The following PPP2R2B variants were observed in gnomAD, a reference collection of about 807,000 sequenced individuals.
PPP2R2B encodes the protein serine/threonine-protein phosphatase 2A 55 kDa regulatory subunit B beta isoform.
In PPP2R2B, 5 loss-of-function variants were observed where a neutral mutation model predicts 46.0. The ratio of observed to expected loss-of-function variants is 0.11; its 90% CI spans 0.06 to 0.23. The LOEUF is 0.23. PPP2R2B is among the 10% of genes least tolerant of loss of function. PPP2R2B has a pLI of 1.00. For missense variants in PPP2R2B, 367 were observed against 575.0 expected (o/e 0.64, Z 3.70); for synonymous variants, 215 against 206.7 (o/e 1.04, Z -0.34).
At chr5:146,616,988 T>A (rs892019584) in intron 7 of PPP2R2B, 3 of 152,362 alleles carry the variant, frequency 2.0e-5, no homozygotes, top group Admixed American at 2.0e-4. Flanking sequence ...CACCAACTGA[T>A]GAATGGATAA....
chr5:146,927,739 T>C (rs1428484188), intron 1 of PPP2R2B, among the ~76,000 whole-genome samples: 1 of 144,240 alleles, frequency 6.9e-6, no homozygotes, highest in African/African-American at 2.5e-5. Flanking sequence ...ACTTTCTTCT[T>C]TTTTTTTTTT....
In PPP2R2B at chr5:147,049,831, G is replaced by A. The variant is rs561275536; in HGVS notation, c.79+5834C>T. Among the ~76,000 whole-genome samples the A allele has an allele frequency of 2.0e-5, 3 of 152,310 alleles. No individual in the cohort carries two copies. The South Asian group carries it at 6.2e-4, about 32-fold the overall frequency. Reference sequence around the variant, plus strand: ...GACTCTCACAAGAGCAATTTTGGTGGCATGATAGAAAGTGCAAATCAGAGG... The same window carrying A: ...GACTCTCACAAGAGCAATTTTGGTGACATGATAGAAAGTGCAAATCAGAGG... On this transcript the variant is annotated intron_variant, in intron 1 of 8. Transcript: ENST00000336640.
intron 7 of PPP2R2B, among the ~76,000 whole-genome samples, chr5:146,615,432 G>C (rs1192582205): frequency 8.8e-6 from 1 of 113,844 alleles, no homozygotes; most frequent in Non-Finnish European, 1.7e-5. Context: ...CAGCGCACCA[G>C]CATGGCACAT....
chr5:147,070,247 C>A (rs1757546598), intron 2 of PPP2R2B, among the ~76,000 whole-genome samples: 1 of 152,092 alleles, frequency 6.6e-6, no homozygotes. Context: ...ACACCTACTG[C>A]CCATATATAT....
At chr5:146,633,248 C>A (rs1774559605) in intron 7 of PPP2R2B, among the ~76,000 whole-genome samples, 1 of 152,214 alleles carries the variant, frequency 6.6e-6, no homozygotes, top group South Asian at 2.1e-4. Flanking sequence ...TAACACGGTT[C>A]TCCTCGGCAT....
Position 146,582,606 on chromosome 5 carries a change from C to T in PPP2R2B, c.*7341G>A, listed in dbSNP as rs1322689419. ...CATATATCATTCAAACTCCCAATGGCATGCCGCTCATCTTATAAGCTTCCT... is the reference window on the plus strand; with the variant it reads ...CATATATCATTCAAACTCCCAATGGTATGCCGCTCATCTTATAAGCTTCCT... On this transcript the variant is annotated 3_prime_UTR_variant, in exon 10 of 10. Coordinates refer to ENST00000394411, the MANE Select transcript of PPP2R2B (RefSeq NM_181675.4). 3 of 152,222 alleles carry T rather than the reference C, an allele frequency of 2.0e-5. No homozygotes were observed. The highest frequency in any genetic ancestry group is 7.2e-5 in the African/African-American group (3 of 41,456). 9.4% of individuals were successfully genotyped at this position (152,222 alleles called of 1,614,324 possible).
intron 2 of PPP2R2B, among the ~76,000 whole-genome samples, chr5:146,719,621 C>G (rs1462759543): frequency 1.1e-4 from 16 of 152,142 alleles, no homozygotes; most frequent in Non-Finnish European, 4.4e-5. Context: ...GATCACTCAT[C>G]TGGATCCCAG....
At chr5:146,712,025 G>A (rs192673567) in intron 2 of PPP2R2B, among the ~76,000 whole-genome samples, 20 of 152,210 alleles carry the variant, frequency 1.3e-4, no homozygotes, top group African/African-American at 4.6e-4. Flanking sequence ...TAAACTGTAG[G>A]TGGGCCTAAA....
intron 5 of PPP2R2B, among the ~76,000 whole-genome samples, chr5:146,678,729 A>G (rs1273760479): frequency 2.7e-5 from 4 of 148,046 alleles, no homozygotes; most frequent in Non-Finnish European, 5.9e-5. Context: ...AAAAATCACA[A>G]GCATTCTTAT....
intron 1 of PPP2R2B, among the ~76,000 whole-genome samples, chr5:146,935,620 G>A (rs1582457573): frequency 6.6e-6 from 1 of 152,114 alleles, no homozygotes; most frequent in East Asian, 1.9e-4. Flanking sequence ...CCCTGAAGTG[G>A]CATTTTATCT....
chr5:146,987,889 T>G (rs1484617764), intron 1 of PPP2R2B, among the ~76,000 whole-genome samples: 1 of 151,872 alleles, frequency 6.6e-6, no homozygotes, highest in East Asian at 1.9e-4. Context: ...ATGTCACTTA[T>G]AAAGACATGC....
chr5:146,823,388 G>A (rs1211858701), intron 2 of PPP2R2B, among the ~76,000 whole-genome samples: 1 of 151,780 alleles, frequency 6.6e-6, no homozygotes, highest in Non-Finnish European at 1.5e-5. Context: ...TGATAGAGAC[G>A]GGGTTTCACC....
chr5:147,080,001 A>G (rs1757928627), intron 2 of PPP2R2B, among the ~76,000 whole-genome samples: 2 of 152,164 alleles, frequency 1.3e-5, no homozygotes, highest in Non-Finnish European at 2.9e-5. Flanking sequence ...ATATGGATTT[A>G]TTTATTAATT....
intron 1 of PPP2R2B, among the ~76,000 whole-genome samples, chr5:146,993,574 T>C (rs1204050405): frequency 6.6e-6 from 1 of 152,154 alleles, no homozygotes; most frequent in Non-Finnish European, 1.5e-5. Context: ...GAGTACACAG[T>C]ATAAGCTTCA....
rs1770135171 is a variant in PPP2R2B, at chr5:146,585,891, A to G, written c.*4056T>C. Reference sequence around the variant, plus strand: ...TACAGGTGATGACACTGACATAGGGACTGAGTGGGTAGCTTAAGTTCCATG... The same window carrying G: ...TACAGGTGATGACACTGACATAGGGGCTGAGTGGGTAGCTTAAGTTCCATG... On this transcript the variant is annotated 3_prime_UTR_variant, in exon 10 of 10. Coordinates refer to ENST00000394411, the MANE Select transcript of PPP2R2B (RefSeq NM_181675.4). The G allele has an allele frequency of 6.6e-6, 1 of 152,164 alleles. No individual in the cohort carries two copies. Among genetic ancestry groups the G allele is most frequent in the African/African-American group, 2.4e-5 (1 of 41,422 alleles). 9.4% of individuals were successfully genotyped at this position (152,164 alleles called of 1,614,324 possible). A position where few individuals can be genotyped will look rare whatever the true frequency, so the allele number is the denominator to read the frequency against.
chr5:146,600,493 G>T, intron 7 of PPP2R2B, 33 bp from the exon 8 acceptor site: 4 of 1,607,446 alleles, frequency 2.5e-6, no homozygotes, highest in Non-Finnish European at 3.4e-6. Flanking sequence ...GACAAATTTA[G>T]CAATCCTTAT....
intron 6 of PPP2R2B, among the ~76,000 whole-genome samples, chr5:146,640,729 A>T (rs1211406255): frequency 1.3e-5 from 2 of 152,082 alleles, no homozygotes; most frequent in Non-Finnish European, 2.9e-5. Flanking sequence ...AGCTACAGTT[A>T]TTTTTTCCCA....
chr5:147,040,918 C>A, intron 1 of PPP2R2B: 1 of 381,546 alleles, frequency 2.6e-6, no homozygotes, highest in South Asian at 2.0e-5. Flanking sequence ...AAGACACAAG[C>A]CTGCCAAGTG....
chr5:146,722,689 TA>T (rs1344016937), intron 2 of PPP2R2B, among the ~76,000 whole-genome samples: 1 of 152,126 alleles, frequency 6.6e-6, no homozygotes, highest in African/African-American at 2.4e-5. Context: ...GTATAAACAA[TA>T]ATGAAAAAGC....
Sources: allele counts gnomAD v4.1 joint callset (sites outside exome capture counted in the v4.1 genomes callset), GRCh38; gene constraint gnomAD v4.1.1; transcripts MANE v1.5; gene names NCBI Gene and HGNC (gene_info 2026-07-23, HGNC 2026-07-21).